Variants in TTC29 observed in about 807,000 individuals in gnomAD.
TTC29 encodes tetratricopeptide repeat domain 29.
In TTC29, 49 loss-of-function variants were observed where a neutral mutation model predicts 58.1. The ratio of observed to expected loss-of-function variants is 0.84; its 90% CI spans 0.67 to 1.07. The LOEUF (loss-of-function observed/expected upper bound fraction) is 1.07, where lower values mean the gene tolerates loss of function less well. Ranked by LOEUF, TTC29 falls within the 50% of genes least tolerant of loss-of-function variation. The pLI, the probability that TTC29 is intolerant of heterozygous loss-of-function variation, is 0.00. For synonymous variants in TTC29, 209 were observed against 196.8 expected (o/e 1.06, Z -0.52); for missense variants, 582 against 555.6 (o/e 1.05, Z -0.48).
At chr4:146,787,851 C>T (rs1561125223) in intron 11 of TTC29, among the ~76,000 whole-genome samples, 1 of 151,510 alleles carries the variant, frequency 6.6e-6, no homozygotes, top group Non-Finnish European at 1.5e-5. Context: ...TTCCCAGTTT[C>T]CCTCCTTCCC....
intron 6 of TTC29, 38 bp from the exon 7 acceptor site, chr4:146,874,966 G>A: frequency 1.9e-6 from 3 of 1,554,546 alleles, no homozygotes; most frequent in African/African-American, 1.4e-5. Flanking sequence ...TAAACCAGAG[G>A]ACGGAACGTA....
chr4:146,895,443 T>C (rs1158017157), intron 6 of TTC29, among the ~76,000 whole-genome samples: 1 of 152,172 alleles, frequency 6.6e-6, no homozygotes, highest in Non-Finnish European at 1.5e-5. Flanking sequence ...TTGAGGGGAC[T>C]TCCTCTCTCC....
intron 11 of TTC29, among the ~76,000 whole-genome samples, chr4:146,710,822 A>G (rs1432336703): frequency 6.6e-6 from 1 of 152,142 alleles, no homozygotes; most frequent in Non-Finnish European, 1.5e-5. Flanking sequence ...GGCAACAAAA[A>G]GATCTCATTT....
intron 6 of TTC29, among the ~76,000 whole-genome samples, chr4:146,887,831 C>CACCTAGCAAG (rs1732089179): frequency 6.6e-6 from 1 of 152,030 alleles, no homozygotes; most frequent in Non-Finnish European, 1.5e-5. Flanking sequence ...CACTTATGAA[C>CACCTAGCAAG]AATTAATCAC....
intron 4 of TTC29, among the ~76,000 whole-genome samples, chr4:146,917,654 A>T (rs911438024): frequency 4.1e-5 from 6 of 145,260 alleles, no homozygotes; most frequent in African/African-American, 1.5e-4. Context: ...TTATATATTT[A>T]TATAAAATTA....
intron 6 of TTC29, among the ~76,000 whole-genome samples, chr4:146,892,373 T>C (rs942201947): frequency 3.9e-5 from 6 of 152,154 alleles, no homozygotes; most frequent in Non-Finnish European, 7.3e-5. Context: ...GCAAGGCTGG[T>C]TCAACATACG....
intron 11 of TTC29, among the ~76,000 whole-genome samples, chr4:146,714,351 A>G (rs1742761408): frequency 6.6e-6 from 1 of 152,186 alleles, no homozygotes; most frequent in African/African-American, 2.4e-5. Flanking sequence ...AAGACAGAGT[A>G]GTAGAAACCT....
At chr4:146,792,957 G>A (rs1749576161) in intron 11 of TTC29, among the ~76,000 whole-genome samples, 1 of 152,154 alleles carries the variant, frequency 6.6e-6, no homozygotes, top group Non-Finnish European at 1.5e-5. Context: ...GAAATAGCAA[G>A]AGAACTAGAA....
intron 6 of TTC29, among the ~76,000 whole-genome samples, chr4:146,899,600 A>G (rs1321500613): frequency 6.6e-6 from 1 of 152,072 alleles, no homozygotes; most frequent in Non-Finnish European, 1.5e-5. Context: ...CCAAAGACCC[A>G]TTTTTAGCAG....
intron 10 of TTC29, among the ~76,000 whole-genome samples, chr4:146,810,181 G>A (rs1750916058): frequency 1.3e-5 from 2 of 152,174 alleles, no homozygotes; most frequent in African/African-American, 4.8e-5. Context: ...AACACCGCAT[G>A]TTCTCACTCA....
At chr4:146,759,811 A>G (rs970783837) in intron 11 of TTC29, among the ~76,000 whole-genome samples, 19 of 152,166 alleles carry the variant, frequency 1.2e-4, no homozygotes, top group Non-Finnish European at 2.8e-4. Context: ...CATCTATGAC[A>G]AACCCATAGC....
chr4:146,764,904 GTC>G (rs987968674), intron 11 of TTC29, among the ~76,000 whole-genome samples: 3 of 152,042 alleles, frequency 2.0e-5, no homozygotes, highest in Non-Finnish European at 2.9e-5. Context: ...AAGAGAGTTT[GTC>G]TCTTTCTTTT....
intron 11 of TTC29, among the ~76,000 whole-genome samples, chr4:146,795,751 T>C (rs1350994213): frequency 6.6e-6 from 1 of 152,200 alleles, no homozygotes; most frequent in Non-Finnish European, 1.5e-5. Flanking sequence ...AGAAATCTTA[T>C]GGACCAAGAA....
chr4:146,942,564 C>G, intron 2 of TTC29: 1 of 1,514,502 alleles, frequency 6.6e-7, no homozygotes, highest in Non-Finnish European at 8.8e-7. Context: ...GCTCCCCAAA[C>G]GGGCCTCCCA....
intron 11 of TTC29, among the ~76,000 whole-genome samples, chr4:146,708,635 G>A (rs1005528876): frequency 5.3e-5 from 8 of 151,096 alleles, no homozygotes; most frequent in African/African-American, 7.3e-5. Flanking sequence ...ATAAGGTACC[G>A]TTTATTCCTG....
intron 11 of TTC29, among the ~76,000 whole-genome samples, chr4:146,709,828 C>T (rs1265213394): frequency 6.6e-6 from 1 of 152,122 alleles, no homozygotes; most frequent in Non-Finnish European, 1.5e-5. Flanking sequence ...TGTCCACAAG[C>T]TTTGTGGCAA....
chr4:146,833,601 G>C (rs1728309924), intron 9 of TTC29, among the ~76,000 whole-genome samples: 1 of 152,138 alleles, frequency 6.6e-6, no homozygotes, highest in Admixed American at 6.6e-5. Context: ...ATAATACGAA[G>C]GAGGCACAGA....
chr4:146,765,250 G>A (rs1747218629), intron 11 of TTC29, among the ~76,000 whole-genome samples: 1 of 152,002 alleles, frequency 6.6e-6, no homozygotes, highest in African/African-American at 2.4e-5. Flanking sequence ...AAAAAAGAGA[G>A]GTGTGTTATT....
At chr4:146,864,965 A>C (rs1730473195) in intron 8 of TTC29, among the ~76,000 whole-genome samples, 1 of 152,026 alleles carries the variant, frequency 6.6e-6, no homozygotes, top group Non-Finnish European at 1.5e-5. Context: ...CCCTTTATGA[A>C]ATAAGTACAG....
Sources: gnomAD v4.1 joint callset for allele counts (sites outside exome capture counted in the v4.1 genomes callset) on GRCh38, gnomAD v4.1.1 for gene constraint, MANE v1.5 for transcripts, NCBI Gene and HGNC (gene_info 2026-07-23, HGNC 2026-07-21) for gene names.